Variants in MAP4 observed in about 807,000 individuals in gnomAD.
MAP4 encodes microtubule-associated protein 4.
In MAP4, 76 loss-of-function variants were observed where a neutral mutation model predicts 170.2. The observed-to-expected ratio is 0.45, with a 90% CI of 0.37 to 0.54. MAP4 has a LOEUF of 0.54. Among genes scored for constraint, MAP4 ranks in the 20% least tolerant of loss-of-function variants. The pLI, the probability that MAP4 is intolerant of heterozygous loss-of-function variation, is 0.00. For missense variants in MAP4, 2,506 were observed against 2,748.0 expected, an observed-to-expected ratio of 0.91 and a Z score of 1.97; for synonymous variants, 909 against 994.5, an observed-to-expected ratio of 0.91 and a Z score of 1.62.
At chr3:47,865,225 T>C (rs1445191070) in intron 17 of MAP4, among the ~76,000 whole-genome samples, 1 of 152,174 alleles carries the variant, frequency 6.6e-6, no homozygotes, top group Non-Finnish European at 1.5e-5. Context: ...TCAGAGCTCT[T>C]ATATGCACCA....
At chr3:47,960,311 C>G (rs1423514408) in intron 3 of MAP4, 2 of 225,580 alleles carry the variant, frequency 8.9e-6, no homozygotes, top group Non-Finnish European at 2.0e-5. Flanking sequence ...GTTCAAATCA[C>G]TGGTAAAAGT....
intron 1 of MAP4, among the ~76,000 whole-genome samples, chr3:48,061,828 G>A (rs1244618826): frequency 5.8e-5 from 8 of 136,838 alleles, no homozygotes; most frequent in East Asian, 4.5e-4. Context: ...CGCCCCATCC[G>A]GGAGGGAGGT....
At chr3:48,026,833 T>C (rs913217403) in intron 1 of MAP4, among the ~76,000 whole-genome samples, 11 of 152,206 alleles carry the variant, frequency 7.2e-5, no homozygotes, top group East Asian at 1.9e-4. Flanking sequence ...AAATAAAGTA[T>C]TAAAATGTTC....
intron 2 of MAP4, among the ~76,000 whole-genome samples, chr3:47,988,022 G>A (rs906042573): frequency 2.6e-5 from 4 of 151,824 alleles, no homozygotes; most frequent in East Asian, 1.9e-4. Context: ...GTGAAACCCC[G>A]TCTCTACTAA....
intron 19 of MAP4, among the ~76,000 whole-genome samples, chr3:47,854,928 C>CG (rs2052245500): frequency 6.6e-6 from 1 of 152,216 alleles, no homozygotes; most frequent in Non-Finnish European, 1.5e-5. Flanking sequence ...GCAGAACCCC[C>CG]GCTCGCCTGG....
intron 1 of MAP4, among the ~76,000 whole-genome samples, chr3:48,059,286 G>C (rs1282236387): frequency 1.3e-5 from 2 of 151,840 alleles, no homozygotes; most frequent in African/African-American, 2.4e-5. Context: ...AGGCCAAGGT[G>C]GGGAGATTGC....
intron 1 of MAP4, among the ~76,000 whole-genome samples, chr3:48,076,609 G>T (rs1008474368): frequency 5.3e-5 from 8 of 151,918 alleles, no homozygotes; most frequent in African/African-American, 1.7e-4. Context: ...AGCCTGAGAG[G>T]TGGAGGCTGC....
chr3:47,858,681 A>G lies in MAP4; in HGVS notation c.6502-1169T>C, dbSNP rs1163589352. Reference sequence around the variant, plus strand: ...TTCCTGCTTAATCCATGTTATAACAATTTTCCCAGCCAGGTGCAGTGGGTC... The same window carrying G: ...TTCCTGCTTAATCCATGTTATAACAGTTTTCCCAGCCAGGTGCAGTGGGTC... On this transcript the variant is annotated intron_variant, in intron 17 of 20. Transcript: ENST00000683076. 2.0e-5 allele frequency among the ~76,000 whole-genome samples: 3 copies of G among 149,788 alleles called. No individual in the cohort carries two copies. In the Admixed American group the frequency reaches 2.0e-4, roughly 10 times the overall value.
chr3:47,910,342 C>G lies in MAP4; in HGVS notation c.4079G>C (p.Ser1360Thr), dbSNP rs775576280. The G allele has an allele frequency of 6.5e-7, 1 of 1,542,256 alleles. No homozygotes were observed. The highest frequency in any genetic ancestry group is 1.2e-5 in the South Asian group (1 of 84,610). Residue 1360 changes from serine (S) to threonine (T), a missense_variant, in exon 9 of 21, where the codon AGT becomes ACT. This residue lies in a region of MAP4 where 2,008 missense variants were observed against 2,206.0 expected (regional missense o/e 0.91). Coordinates refer to ENST00000683076, the MANE Select transcript of MAP4 (RefSeq NM_001385682.1). ...ACTTTTTCCATCATTACTCCTTTTA[C>G]TTGGTTTGTCAGCCACTGCAGTGTA... ...NRYTAVADKP[S>T]KRSNDGKSKK...
At chr3:47,869,812 G>A (rs1017050547) in intron 15 of MAP4, among the ~76,000 whole-genome samples, 1 of 152,054 alleles carries the variant, frequency 6.6e-6, no homozygotes, top group Non-Finnish European at 1.5e-5. Context: ...CCCCACCCAA[G>A]AACTCCTGTA....
At chr3:47,894,087 G>C (rs112669637) in intron 10 of MAP4, among the ~76,000 whole-genome samples, 1,533 of 151,716 alleles carry the variant, frequency 0.01, 30 homozygotes, top group African/African-American at 0.035. Context: ...AAAAAAAACT[G>C]AACATGAACT....
At chr3:47,882,381 C>T (rs2096903961) in intron 10 of MAP4, among the ~76,000 whole-genome samples, 1 of 152,074 alleles carries the variant, frequency 6.6e-6, no homozygotes, top group Non-Finnish European at 1.5e-5. Flanking sequence ...TTTCTCATTT[C>T]TGTTTCACTT....
rs1338971279 is a variant in MAP4 at position 47,955,401 on chromosome 3, C to T, written c.292+22464G>A. On this transcript the variant is annotated intron_variant, in intron 3 of 20. Transcript: ENST00000683076. The stretch of plus-strand genomic sequence containing the variant: ...ATGTAGCCCACAGAGATCTTGATCG[C>T]GTGACATTCCAAAAAAATAAATAAA... Among the ~76,000 whole-genome samples, 6 of 149,464 alleles carry T rather than the reference C, an allele frequency of 4.0e-5. 1 individual carries two copies. The South Asian group carries it at 1.3e-3, about 32-fold the overall frequency.
intron 1 of MAP4, among the ~76,000 whole-genome samples, chr3:48,062,598 T>A (rs968876366): frequency 7.4e-5 from 11 of 149,028 alleles, no homozygotes; most frequent in Admixed American, 2.0e-4. Flanking sequence ...TAAAAAAATT[T>A]AAAAAATTAA....
At chr3:47,943,342 T>TAATTTA (rs1370819282) in intron 3 of MAP4, among the ~76,000 whole-genome samples, 1 of 152,188 alleles carries the variant, frequency 6.6e-6, no homozygotes, top group East Asian at 1.9e-4. Flanking sequence ...CCAGATGCGG[T>TAATTTA]GGCTCATGCC....
chr3:47,922,229 G>A (rs1490719427), intron 4 of MAP4, among the ~76,000 whole-genome samples: 1 of 152,100 alleles, frequency 6.6e-6, no homozygotes, highest in Non-Finnish European at 1.5e-5. Context: ...GATTACAGGC[G>A]TGAGCCACCA....
At chr3:48,072,216 T>A (rs1178907939) in intron 1 of MAP4, among the ~76,000 whole-genome samples, 1 of 150,740 alleles carries the variant, frequency 6.6e-6, no homozygotes, top group Non-Finnish European at 1.5e-5. Flanking sequence ...CTACTACTAA[T>A]AATAAATTTG....
chr3:47,894,644 A>T (rs924312016), intron 10 of MAP4, among the ~76,000 whole-genome samples: 3 of 152,116 alleles, frequency 2.0e-5, no homozygotes, highest in Non-Finnish European at 4.4e-5. Context: ...CCTTGGTAAT[A>T]CAACATAGTT....
intron 2 of MAP4, among the ~76,000 whole-genome samples, chr3:47,988,852 G>T (rs566691512): frequency 6.6e-6 from 1 of 151,778 alleles, no homozygotes; most frequent in Non-Finnish European, 1.5e-5. Flanking sequence ...TCTCGCTGTC[G>T]CCCAGGCTTG....
Sources: gnomAD v4.1 joint callset for allele counts (sites outside exome capture counted in the v4.1 genomes callset) on GRCh38, gnomAD v4.1.1 for gene constraint, gnomAD v4.1.1 regional missense constraint, MANE v1.5 for transcripts, NCBI Gene and HGNC (gene_info 2026-07-23, HGNC 2026-07-21) for gene names.